The following ARID4A variants were observed in gnomAD, a reference collection of about 807,000 sequenced individuals.
The protein encoded by ARID4A is AT-rich interaction domain 4A.
ARID4A carries 39 observed loss-of-function variants against 148.6 expected under a neutral mutation model. That is an observed-to-expected ratio of 0.26 (90% CI 0.20 to 0.34). The LOEUF (loss-of-function observed/expected upper bound fraction) is 0.34. ARID4A is among the 10% of genes least tolerant of loss of function. The probability of loss-of-function intolerance (pLI) is 1.00; values close to 1 mark genes in which losing one functional copy is unlikely to be tolerated. For missense variants in ARID4A, 1,265 were observed against 1,449.1 expected (o/e 0.87, Z 2.06); for synonymous variants, 475 against 481.2 (o/e 0.99, Z 0.17).
chr14:58,325,019 A>C (rs946747231), intron 8 of ARID4A, among the ~76,000 whole-genome samples: 2 of 152,228 alleles, frequency 1.3e-5, no homozygotes, highest in Non-Finnish European at 2.9e-5. Context: ...CCTAAAATTT[A>C]AGGAAGATTT....
At chr14:58,342,780 G>A (rs1405576141) in intron 11 of ARID4A, among the ~76,000 whole-genome samples, 1 of 152,132 alleles carries the variant, frequency 6.6e-6, no homozygotes, top group Admixed American at 6.5e-5. Flanking sequence ...AGGTGTGGTG[G>A]TGCATGCCTG....
chr14:58,334,920 C>T (rs1017923645), intron 11 of ARID4A, among the ~76,000 whole-genome samples: 2 of 152,166 alleles, frequency 1.3e-5, no homozygotes, highest in African/African-American at 4.8e-5. Context: ...AACCTCTGTG[C>T]TTTCCTCTCC....
At chr14:58,326,592 A>G (rs2033226468) in intron 8 of ARID4A, among the ~76,000 whole-genome samples, 1 of 152,160 alleles carries the variant, frequency 6.6e-6, no homozygotes, top group Non-Finnish European at 1.5e-5. Flanking sequence ...TCATCTAAAG[A>G]ATTTGGACAT....
intron 23 of ARID4A, among the ~76,000 whole-genome samples, chr14:58,368,261 C>T (rs1387779301): frequency 3.9e-5 from 6 of 152,172 alleles, no homozygotes; most frequent in Admixed American, 3.9e-4. Flanking sequence ...CTCTTGGCTT[C>T]CTGAAAGCTG....
At chr14:58,310,983 C>T (rs925955480) in intron 5 of ARID4A, among the ~76,000 whole-genome samples, 5 of 152,118 alleles carry the variant, frequency 3.3e-5, no homozygotes, top group African/African-American at 7.2e-5. Flanking sequence ...CGGTGGCTCA[C>T]GCCTGTAATC....
At chr14:58,325,202 T>C (rs1175316858) in intron 8 of ARID4A, among the ~76,000 whole-genome samples, 1 of 152,202 alleles carries the variant, frequency 6.6e-6, no homozygotes, top group African/African-American at 2.4e-5. Flanking sequence ...CCTCCACTTC[T>C]TCATCCCCTC....
In ARID4A at chr14:58,366,985, C is replaced by A; in HGVS notation, c.3626C>A (p.Thr1209Asn). ...YYMSLKSEVA[T>N]IDRRRKRLKK... ...ATGTCTTTGAAGTCTGAAGTTGCAA[C>A]CATAGACAGGAGGAGAAAAAGATTA... Residue 1209 changes from threonine to asparagine, a missense_variant, in exon 23 of 24, where the codon ACC becomes AAC. By Grantham distance (65) the Thr-to-Asn change is moderately conservative (BLOSUM62 0). Coordinates refer to ENST00000355431, the MANE Select transcript of ARID4A (RefSeq NM_002892.4). 6.6e-7 allele frequency: 1 copy of A among 1,509,448 alleles called. No homozygotes were observed. Among genetic ancestry groups the A allele is most frequent in the Non-Finnish European group, 8.8e-7 (1 of 1,139,450 alleles). The allele number at this position is 1,509,448 out of a possible 1,614,324, so 93.5% of individuals were successfully genotyped here.
At chr14:58,369,614 C>CA (rs34289804) in intron 23 of ARID4A, among the ~76,000 whole-genome samples, 91,822 of 106,838 alleles carry the variant, frequency 0.86, 39,416 homozygotes, top group East Asian at 0.97. Flanking sequence ...GAGTCTGTCT[C>CA]AAAAAAAAAA....
intron 23 of ARID4A, among the ~76,000 whole-genome samples, chr14:58,369,866 A>C (rs1453066511): frequency 6.6e-6 from 1 of 152,172 alleles, no homozygotes; most frequent in Non-Finnish European, 1.5e-5. Context: ...CAGACCTAGA[A>C]AGCAACTATT....
intron 11 of ARID4A, among the ~76,000 whole-genome samples, chr14:58,339,593 A>C (rs1178200747): frequency 1.3e-5 from 2 of 152,174 alleles, no homozygotes; most frequent in African/African-American, 4.8e-5. Context: ...TGGAAACTAG[A>C]GTTGCTAGCT....
In ARID4A at chr14:58,367,018, AAGAC is replaced by A; in HGVS notation, c.3662_3665del (p.Asp1221GlyfsTer19). The stretch of plus-strand genomic sequence containing the variant: ...AGGAGGAGAAAAAGATTAAAAAAGA[AAGAC>A]AGGGAAGGTAATTTTATTATGATTT... On this transcript the variant is annotated frameshift_variant, in exon 23 of 24. Coordinates refer to ENST00000355431, the MANE Select transcript of ARID4A (RefSeq NM_002892.4). LOFTEE classifies it high-confidence loss of function. The A allele has an allele frequency of 6.7e-7, 1 of 1,491,706 alleles. No homozygotes were observed. The highest frequency in any genetic ancestry group is 8.9e-7 in the Non-Finnish European group (1 of 1,127,286). 92.4% of individuals were successfully genotyped at this position (1,491,706 alleles called of 1,614,324 possible). A position where few individuals can be genotyped will look rare whatever the true frequency, so the allele number is the denominator to read the frequency against.
intron 1 of ARID4A, chr14:58,299,556 A>C: frequency 3.8e-6 from 2 of 524,244 alleles, no homozygotes; most frequent in South Asian, 4.3e-5. Flanking sequence ...CAAAGTGGCC[A>C]GCGAGGCGGG....
At chr14:58,332,873 T>G (rs1249610751) in intron 11 of ARID4A, among the ~76,000 whole-genome samples, 1 of 152,174 alleles carries the variant, frequency 6.6e-6, no homozygotes, top group Non-Finnish European at 1.5e-5. Context: ...GTCTGTTATT[T>G]GTTGTTTTTA....
chr14:58,302,751 C>G (rs2031285060), intron 3 of ARID4A, among the ~76,000 whole-genome samples: 1 of 151,938 alleles, frequency 6.6e-6, no homozygotes, highest in African/African-American at 2.4e-5. Flanking sequence ...CCAAGGAATT[C>G]AAGACCAGCC....
chr14:58,307,334 G>A (rs2031684514), intron 5 of ARID4A, among the ~76,000 whole-genome samples: 1 of 152,170 alleles, frequency 6.6e-6, no homozygotes, highest in Non-Finnish European at 1.5e-5. Flanking sequence ...CTATGCTTTG[G>A]TTAAAAATTT....
At chr14:58,305,049 G>C (rs761851465) in intron 4 of ARID4A, 40 bp downstream of exon 4, 1 of 1,470,594 alleles carries the variant, frequency 6.8e-7, no homozygotes, top group East Asian at 2.4e-5. Flanking sequence ...AATAATCATA[G>C]ATTTATACCA....
In ARID4A at chr14:58,361,408, C is replaced by T. The variant is rs886245303; in HGVS notation, c.2080+366C>T. Among the ~76,000 whole-genome samples the T allele has an allele frequency of 6.6e-5, 10 of 152,138 alleles. 1 individual carries two copies. The highest frequency in any genetic ancestry group is 1.5e-4 in the Non-Finnish European group (10 of 68,040). On this transcript the variant is annotated intron_variant, in intron 19 of 23. Transcript: ENST00000355431. ...ATAAAGATTGTGTTATTTGAACCATCAGAAATCACAGGTATAATTGTCTCA... is the reference window on the plus strand; with the variant it reads ...ATAAAGATTGTGTTATTTGAACCATTAGAAATCACAGGTATAATTGTCTCA...
intron 17 of ARID4A, 121 bp from the exon 18 acceptor site, chr14:58,359,011 C>A: frequency 8.9e-7 from 1 of 1,124,040 alleles, no homozygotes. Flanking sequence ...ATATTCTTGC[C>A]AACACTAAGA....
In ARID4A at chr14:58,373,252, T is replaced by G. The variant is rs1407070208; in HGVS notation, c.*1263T>G. 1 of 197,452 alleles carries G rather than the reference T, an allele frequency of 5.1e-6. No homozygotes were observed. The highest frequency in any genetic ancestry group is 6.1e-5 in the Admixed American group (1 of 16,516). The allele number at this position is 197,452 out of a possible 1,614,324, so 12.2% of individuals were successfully genotyped here. A position where few individuals can be genotyped will look rare whatever the true frequency, so the allele number is the denominator to read the frequency against. Reference sequence around the variant, plus strand: ...AACAACTAAGTAAAGCAACTATGTATGCTTTGTCTGTGAATTGTTCCACAG... The same window carrying G: ...AACAACTAAGTAAAGCAACTATGTAGGCTTTGTCTGTGAATTGTTCCACAG... On this transcript the variant is annotated 3_prime_UTR_variant, in exon 24 of 24. Transcript: ENST00000355431.
Sources: gnomAD v4.1 joint callset for allele counts (sites outside exome capture counted in the v4.1 genomes callset) on GRCh38, gnomAD v4.1.1 for gene constraint, MANE v1.5 for transcripts, NCBI Gene and HGNC (gene_info 2026-07-23, HGNC 2026-07-21) for gene names.